USP28: variants seen among roughly 807,000 people sequenced by gnomAD.
USP28 encodes ubiquitin specific peptidase 28.
Under a neutral mutation model 145.0 loss-of-function variants are expected in USP28, and 113 were observed. That is an observed-to-expected ratio of 0.78 (90% CI 0.67 to 0.91). The LOEUF (loss-of-function observed/expected upper bound fraction) is 0.91, where lower values mean the gene tolerates loss of function less well. Among genes scored for constraint, USP28 ranks in the 40% least tolerant of loss-of-function variants. USP28 has a pLI of 0.00. For synonymous variants in USP28, 447 were observed against 450.9 expected (o/e 0.99, Z 0.11); for missense variants, 1,201 against 1,289.6 (o/e 0.93, Z 1.05).
intron 8 of USP28, among the ~76,000 whole-genome samples, chr11:113,831,286 G>T (rs2135947821): frequency 6.6e-6 from 1 of 152,258 alleles, no homozygotes. Flanking sequence ...CAGTATAAAG[G>T]TAAGAATGAA....
intron 1 of USP28, among the ~76,000 whole-genome samples, chr11:113,859,172 T>TGG (rs952892586): frequency 1.3e-5 from 2 of 152,158 alleles, no homozygotes; most frequent in African/African-American, 4.8e-5. Flanking sequence ...TCACCATACC[T>TGG]GGCTTAACAT....
exon 24 of USP28, chr11:113,801,611 T>A: frequency 6.2e-7 from 1 of 1,610,534 alleles, no homozygotes; most frequent in Non-Finnish European, 8.5e-7. Flanking sequence ...ATTCATCACA[T>A]TAATGCCCTC....
chr11:113,859,889 C>T lies in USP28; in HGVS notation c.58-5554G>A, dbSNP rs528588469. On this transcript the variant is annotated intron_variant, in intron 1 of 24. Transcript: ENST00000003302. ...AGTACTCCCTTTTCTTGCCCAGAGGCAGTAAAGAAAGACAGGCAAACACAA... is the reference window on the plus strand; with the variant it reads ...AGTACTCCCTTTTCTTGCCCAGAGGTAGTAAAGAAAGACAGGCAAACACAA... Among the ~76,000 whole-genome samples the T allele has an allele frequency of 5.9e-5, 9 of 152,132 alleles. No individual in the cohort carries two copies. In the South Asian group the frequency reaches 1.9e-3, roughly 32 times the overall value.
intron 12 of USP28, among the ~76,000 whole-genome samples, chr11:113,822,917 T>C (rs1024345612): frequency 1.3e-5 from 2 of 152,102 alleles, no homozygotes; most frequent in African/African-American, 4.8e-5. Flanking sequence ...AATGGCCTAA[T>C]AAGGGAGTAG....
At chr11:113,832,102 CTTTT>C in intron 7 of USP28, 109 bp from the exon 8 acceptor site, 1 of 940,204 alleles carries the variant, frequency 1.1e-6, no homozygotes, top group Non-Finnish European at 1.6e-6. Flanking sequence ...AAAAGCATTT[CTTTT>C]TTTCTTTTCT....
chr11:113,843,693 A>T, intron 3 of USP28, among the ~76,000 whole-genome samples: 1 of 149,818 alleles, frequency 6.7e-6, no homozygotes, highest in African/African-American at 2.5e-5. Context: ...AAAAAAAACT[A>T]AAAAAAAATT....
Position 113,875,446 on chromosome 11 carries a change from G to T in USP28, c.56C>A (p.Ser19Ter). 8.0e-7 allele frequency: 1 copy of T among 1,249,998 alleles called. No homozygotes were observed. Among genetic ancestry groups the T allele is most frequent in the Admixed American group, 3.5e-5 (1 of 28,262 alleles). The allele number at this position is 1,249,998 out of a possible 1,614,324, so 77.4% of individuals were successfully genotyped here. Reference sequence around the variant, plus strand: ...CCCGCTCGCCGCCGCGGAGCCCACCGAGCCGTGGCCGTCTGCCGCGCCGGC... The same window carrying T: ...CCCGCTCGCCGCCGCGGAGCCCACCTAGCCGTGGCCGTCTGCCGCGCCGGC... Residue 19 changes from serine to a stop codon, truncating the protein, a stop_gained and splice_region_variant, in exon 1 of 25, where the codon TCG becomes TAG. Transcript: ENST00000003302. LOFTEE classifies it high-confidence loss of function.
intron 13 of USP28, among the ~76,000 whole-genome samples, chr11:113,816,535 C>A (rs1329086811): frequency 2.0e-5 from 3 of 151,752 alleles, no homozygotes; most frequent in Non-Finnish European, 4.4e-5. Context: ...AACAAACAAA[C>A]AAAAAAACCT....
At chr11:113,862,282 G>A (rs1671114447) in intron 1 of USP28, among the ~76,000 whole-genome samples, 1 of 152,212 alleles carries the variant, frequency 6.6e-6, no homozygotes, top group Non-Finnish European at 1.5e-5. Context: ...AGGAGGCGGA[G>A]GTTGCAGTGA....
intron 16 of USP28, among the ~76,000 whole-genome samples, chr11:113,809,921 GCTA>G (rs1372213314): frequency 6.6e-6 from 1 of 151,810 alleles, no homozygotes; most frequent in Non-Finnish European, 1.5e-5. Flanking sequence ...TGTAATCCCA[GCTA>G]CTTAGAAGGC....
At chr11:113,849,117 A>G (rs1488976881) in intron 3 of USP28, among the ~76,000 whole-genome samples, 1 of 152,212 alleles carries the variant, frequency 6.6e-6, no homozygotes, top group Non-Finnish European at 1.5e-5. Flanking sequence ...GAGTTCCATA[A>G]TACAATGGAA....
chr11:113,803,982 G>T (rs1591475701), intron 21 of USP28, 105 bp from the exon 23 acceptor site: 2 of 931,564 alleles, frequency 2.1e-6, no homozygotes. Flanking sequence ...AGCACATCTG[G>T]CTAGCCACAA....
At chr11:113,824,718 G>A (rs1943090422) in intron 11 of USP28, among the ~76,000 whole-genome samples, 2 of 151,402 alleles carry the variant, frequency 1.3e-5, no homozygotes, top group South Asian at 4.2e-4. Context: ...ATTACCTGAG[G>A]ACGGGAGTTC....
chr11:113,834,661 G>A (rs1023994460), intron 5 of USP28, among the ~76,000 whole-genome samples: 3 of 152,120 alleles, frequency 2.0e-5, no homozygotes, highest in African/African-American at 7.2e-5. Context: ...CAAGGGATCT[G>A]CCCGCTTTGG....
intron 3 of USP28, among the ~76,000 whole-genome samples, chr11:113,849,558 C>T (rs1046646685): frequency 6.6e-6 from 1 of 152,048 alleles, no homozygotes; most frequent in Non-Finnish European, 1.5e-5. Context: ...AAGGGATGTC[C>T]GTATGAGGCA....
At chr11:113,802,862 T>C (rs1233573363) in intron 23 of USP28, among the ~76,000 whole-genome samples, 1 of 152,188 alleles carries the variant, frequency 6.6e-6, no homozygotes, top group Non-Finnish European at 1.5e-5. Flanking sequence ...TCAAGGAATT[T>C]ACAACCTAGT....
chr11:113,826,101 G>T (rs916021185), intron 11 of USP28, among the ~76,000 whole-genome samples: 10 of 151,914 alleles, frequency 6.6e-5, no homozygotes, highest in African/African-American at 2.2e-4. Context: ...TGGCCAACAT[G>T]GTGAAACCCC....
chr11:113,827,193 G>A (rs745915145), intron 11 of USP28, 40 bp downstream of exon 11: 15 of 1,585,978 alleles, frequency 9.5e-6, no homozygotes, highest in Middle Eastern at 1.7e-4. Flanking sequence ...CTCTACTGCT[G>A]TAATACCTCA....
Position 113,803,230 on chromosome 11 carries a change from G to A in USP28, c.2790C>T (p.Ala930=), listed in dbSNP as rs764416042. 83 of 1,614,034 alleles carry A rather than the reference G, an allele frequency of 5.1e-5. 1 individual carries two copies. In the South Asian group the frequency reaches 8.7e-4, roughly 17 times the overall value. ...CCCGGCGGGGCCCCTTCATCAGCAGGGCAGCATTGCTCTGGTAGGCATATA... is the reference window on the plus strand; with the variant it reads ...CCCGGCGGGGCCCCTTCATCAGCAGAGCAGCATTGCTCTGGTAGGCATATA... Residue 930 remains alanine, a synonymous_variant, in exon 23 of 25, where the codon GCC becomes GCT. Transcript: ENST00000003302.
Sources: allele counts gnomAD v4.1 joint callset (sites outside exome capture counted in the v4.1 genomes callset), GRCh38; gene constraint gnomAD v4.1.1; transcripts MANE v1.5; gene names NCBI Gene and HGNC (gene_info 2026-07-23, HGNC 2026-07-21).